The following DIDO1 variants were observed in gnomAD, a reference collection of about 807,000 sequenced individuals.
The protein encoded by DIDO1 is death-inducer obliterator 1.
A neutral mutation model predicts 99.4 loss-of-function variants in DIDO1; 16 were observed. That is an observed-to-expected ratio of 0.16 (90% CI 0.11 to 0.24). The LOEUF (loss-of-function observed/expected upper bound fraction) is 0.24, where lower values mean the gene tolerates loss of function less well. Among genes scored for constraint, DIDO1 ranks in the 10% least tolerant of loss-of-function variants. The probability of loss-of-function intolerance (pLI) is 1.00; values close to 1 mark genes in which losing one functional copy is unlikely to be tolerated. For synonymous variants in DIDO1, 1,366 were observed against 1,239.1 expected (o/e 1.10, Z -2.15); for missense variants, 2,996 against 3,014.0 (o/e 0.99, Z 0.14).
At chr20:62,922,247 C>T (rs968191858) in intron 1 of DIDO1, among the ~76,000 whole-genome samples, 5 of 149,698 alleles carry the variant, frequency 3.3e-5, no homozygotes, top group Admixed American at 2.7e-4. Context: ...TATATATACA[C>T]ACACACACAT....
rs2147469899 is a variant in DIDO1 at position 62,905,420 on chromosome 20, C to T, written c.1588+467G>A. 6 of 1,495,574 alleles carry T rather than the reference C, an allele frequency of 4.0e-6. No individual in the cohort carries two copies. The East Asian group carries it at 1.2e-4, about 31-fold the overall frequency. 92.6% of individuals were successfully genotyped at this position (1,495,574 alleles called of 1,614,324 possible). A position where few individuals can be genotyped will look rare whatever the true frequency, so the allele number is the denominator to read the frequency against. ...GATGCAACACTAACTTGCAAAGATT[C>T]CCACAACATAAAAAAGAAGTGATGC... On this transcript the variant is annotated intron_variant, in intron 6 of 15. Transcript: ENST00000395343.
intron 14 of DIDO1, 99 bp downstream of exon 14, chr20:62,891,888 A>AT (rs2064406827): frequency 1.0e-6 from 1 of 980,768 alleles, no homozygotes; most frequent in Non-Finnish European, 1.5e-6. Context: ...ACAGGCTAAC[A>AT]TTTTAAGTGT....
At chr20:62,937,717 G>C (rs2065407734) in intron 1 of DIDO1, 1 of 397,598 alleles carries the variant, frequency 2.5e-6, no homozygotes, top group Non-Finnish European at 4.4e-6. Flanking sequence ...CCGTCTGAGG[G>C]GCGGCCGCGG....
At chr20:62,890,838 T>C in intron 15 of DIDO1, 122 bp downstream of exon 15, 1 of 1,580,814 alleles carries the variant, frequency 6.3e-7, no homozygotes, top group Non-Finnish European at 8.6e-7. Flanking sequence ...CCGCTGCGTC[T>C]GTGCTCCTAA....
chr20:62,917,538 C>T (rs567277294), intron 1 of DIDO1, among the ~76,000 whole-genome samples: 4 of 152,186 alleles, frequency 2.6e-5, no homozygotes, highest in Non-Finnish European at 5.9e-5. Flanking sequence ...AACTGTCCTC[C>T]GTCTGTTGTT....
At position 62,911,813 on chromosome 20, in the gene DIDO1, T is replaced by TA. The variant is rs1175588344; in HGVS notation, c.-2-200dup. ...TTTGTAAAGATAATTTTAATATAGT[T>TA]AAACAACTAACGTTTAGACAAAAAT... On this transcript the variant is annotated intron_variant, in intron 2 of 15. Transcript: ENST00000395343. This position sits in a 1 kb window ranked among gnomAD's most constrained non-coding sequence, Gnocchi z 7.0. 1.3e-5 allele frequency among the ~76,000 whole-genome samples: 2 copies of TA among 152,346 alleles called. No individual in the cohort carries two copies. Among genetic ancestry groups the TA allele is most frequent in the South Asian group, 2.1e-4 (1 of 4,832 alleles).
chr20:62,905,855 G>A, intron 6 of DIDO1, 32 bp downstream of exon 6: 9 of 1,614,110 alleles, frequency 5.6e-6, no homozygotes, highest in Non-Finnish European at 7.6e-6. Context: ...AACGGGAGGG[G>A]TCCAGGAGGC....
rs1360763623 is a variant in DIDO1 at position 62,887,481 on chromosome 20, C to G, written c.3541+3479G>C. 4 of 985,332 alleles carry G rather than the reference C, an allele frequency of 4.1e-6. No homozygotes were observed. The African/African-American group carries it at 7.0e-5, about 17-fold the overall frequency. 61.0% of individuals were successfully genotyped at this position (985,332 alleles called of 1,614,324 possible). On this transcript the variant is annotated intron_variant, in intron 15 of 15. Coordinates refer to ENST00000395343, the MANE Select transcript of DIDO1 (RefSeq NM_001193369.2). ...TATAAAGACCTCAGAGAAAAGAGCC[C>G]TTTCCATTCGAGCAGCTACAGAGGG...
chr20:62,903,671 G>A (rs1198859639), intron 6 of DIDO1, among the ~76,000 whole-genome samples: 2 of 152,158 alleles, frequency 1.3e-5, no homozygotes, highest in Non-Finnish European at 2.9e-5. Context: ...CAACATTTAC[G>A]GGATAACAAA....
At position 62,879,057 on chromosome 20, in the gene DIDO1, G is replaced by T; in HGVS notation, c.*176C>A. On this transcript the variant is annotated 3_prime_UTR_variant, in exon 16 of 16. Coordinates refer to ENST00000395343, the MANE Select transcript of DIDO1 (RefSeq NM_001193369.2). This position sits in a 1 kb window ranked among gnomAD's most constrained non-coding sequence, Gnocchi z 6.3. The stretch of plus-strand genomic sequence containing the variant: ...ATTAAAGTTTAGTTTTTTTAAAAAA[G>T]CATCAGAATTGTAAAGATGTGAAAT... 1.9e-6 allele frequency: 1 copy of T among 528,676 alleles called. No homozygotes were observed. Among genetic ancestry groups the T allele is most frequent in the Non-Finnish European group, 3.0e-6 (1 of 334,342 alleles). The allele number at this position is 528,676 out of a possible 1,614,324, so 32.7% of individuals were successfully genotyped here. A position where few individuals can be genotyped will look rare whatever the true frequency, so the allele number is the denominator to read the frequency against.
At chr20:62,930,729 G>C (rs1349209065), upstream of DIDO1, among the ~76,000 whole-genome samples, 1 of 152,220 alleles carries the variant, frequency 6.6e-6, no homozygotes, top group Non-Finnish European at 1.5e-5. Context: ...CCAGAAACCT[G>C]TGCTATGACT....
At chr20:62,903,898 A>G (rs2064742025) in intron 6 of DIDO1, among the ~76,000 whole-genome samples, 1 of 152,184 alleles carries the variant, frequency 6.6e-6, no homozygotes, top group Non-Finnish European at 1.5e-5. Flanking sequence ...CGCTATGGGC[A>G]GAAGAGCAGC....
At chr20:62,887,134 G>A (rs1378010048) in intron 15 of DIDO1, 9 of 985,406 alleles carry the variant, frequency 9.1e-6, no homozygotes, top group African/African-American at 1.7e-5. Context: ...CACTGCGCTG[G>A]CTTATGGAAA....
At chr20:62,910,159 C>A in intron 3 of DIDO1, 139 bp from the exon 4 acceptor site, 1 of 991,556 alleles carries the variant, frequency 1.0e-6, no homozygotes, top group Non-Finnish European at 1.4e-6. Context: ...GTCCTCATGC[C>A]TTTCCTTTGA....
intron 1 of DIDO1, among the ~76,000 whole-genome samples, chr20:62,923,576 C>T (rs2065196846): frequency 6.6e-6 from 1 of 152,236 alleles, no homozygotes; most frequent in African/African-American, 2.4e-5. Context: ...GCAGTGGCCA[C>T]AGCCTCCAAC....
upstream of DIDO1, among the ~76,000 whole-genome samples, chr20:62,930,462 A>G (rs1243573457): frequency 6.6e-6 from 1 of 152,358 alleles, no homozygotes; most frequent in East Asian, 1.9e-4. Flanking sequence ...AAACAGAAAC[A>G]GAAGTTAAAC....
chr20:62,926,272 C>T (rs1346427883), intron 1 of DIDO1, among the ~76,000 whole-genome samples, 167 bp downstream of exon 1: 1 of 140,810 alleles, frequency 7.1e-6, no homozygotes, highest in South Asian at 2.3e-4. Context: ...GCCCGCCCGC[C>T]CGCTCCTTCC....
intron 15 of DIDO1, among the ~76,000 whole-genome samples, 191 bp from the exon 16 acceptor site, chr20:62,882,605 C>T (rs192131259): frequency 6.0e-4 from 91 of 152,268 alleles, no homozygotes; most frequent in African/African-American, 2.2e-3. Flanking sequence ...CGCACCGCCC[C>T]GGGAACGAGC....
chr20:62,879,811 C>T lies in DIDO1; in HGVS notation c.6145G>A (p.Ala2049Thr), dbSNP rs574091150. 46 of 1,610,046 alleles carry T rather than the reference C, an allele frequency of 2.9e-5. No individual in the cohort carries two copies. In the East Asian group the frequency reaches 8.0e-4, roughly 28 times the overall value. Residue 2049 changes from alanine to threonine, a missense_variant, in exon 16 of 16, where the codon GCG becomes ACG. Around this residue, in one of 5 missense-constraint regions of DIDO1, gnomAD observed 1,562 missense variants for 1,412.6 expected, o/e 1.11. Transcript: ENST00000395343. The surrounding 1 kb of genome is among the most constrained non-coding windows in gnomAD (Gnocchi z 6.3). The stretch of plus-strand genomic sequence containing the variant: ...TGTCCGGGCGCACTGGAGGAGAGCG[C>T]GGAGGGCGGCCCGGCCTCCTCCCAG... ...DRWEEAGPPS[A>T]LSSSAPGQGP...
Sources: allele counts gnomAD v4.1 joint callset (sites outside exome capture counted in the v4.1 genomes callset), GRCh38; gene constraint gnomAD v4.1.1; regional missense constraint gnomAD v4.1.1; non-coding constraint Gnocchi (gnomAD v3.1); transcripts MANE v1.5; gene names NCBI Gene and HGNC (gene_info 2026-07-23, HGNC 2026-07-21).